Variants in DNAH9 observed in about 807,000 individuals in gnomAD.
DNAH9 encodes dynein axonemal heavy chain 9.
A neutral mutation model predicts 471.6 loss-of-function variants in DNAH9; 345 were observed. The ratio of observed to expected loss-of-function variants is 0.73; its 90% CI spans 0.67 to 0.80. The LOEUF (loss-of-function observed/expected upper bound fraction) is 0.80, where lower values mean the gene tolerates loss of function less well. Ranked by LOEUF, DNAH9 falls within the 30% of genes least tolerant of loss-of-function variation. The probability of loss-of-function intolerance (pLI) is 0.00; values close to 1 mark genes in which losing one functional copy is unlikely to be tolerated. For missense variants in DNAH9, 5,407 were observed against 5,609.2 expected, an observed-to-expected ratio of 0.96 and a Z score of 1.15; for synonymous variants, 2,093 against 2,123.6, an observed-to-expected ratio of 0.99 and a Z score of 0.40.
At chr17:11,661,488 G>C (rs563182092) in intron 14 of DNAH9, among the ~76,000 whole-genome samples, 27 of 152,042 alleles carry the variant, frequency 1.8e-4, no homozygotes, top group Non-Finnish European at 3.2e-4. Flanking sequence ...TTGCTTCATT[G>C]CTTTCTTGTT....
intron 35 of DNAH9, among the ~76,000 whole-genome samples, chr17:11,760,816 C>T (rs1011049917): frequency 2.6e-5 from 4 of 152,196 alleles, no homozygotes; most frequent in African/African-American, 4.8e-5. Context: ...CCGCGCCCGG[C>T]GGATGTCTTT....
chr17:11,884,525 T>G (rs773055358), intron 56 of DNAH9: 24 of 455,868 alleles, frequency 5.3e-5, no homozygotes, highest in South Asian at 3.7e-4. Context: ...CGGAAGATGC[T>G]TATTGCCAGA....
rs954680928 is a variant in DNAH9 at position 11,932,904 on chromosome 17, G to C, written c.12297+699G>C. 1.3e-5 allele frequency among the ~76,000 whole-genome samples: 2 copies of C among 152,190 alleles called. No individual in the cohort carries two copies. The highest frequency in any genetic ancestry group is 4.8e-5 in the African/African-American group (2 of 41,438). On this transcript the variant is annotated intron_variant, in intron 64 of 68. Transcript: ENST00000262442. The surrounding 1 kb of genome is among the most constrained non-coding windows in gnomAD (Gnocchi z 4.3). The stretch of plus-strand genomic sequence containing the variant: ...TTCGCTAACAATCAGTGCTCTTCCA[G>C]TTAAGGGAATATTCACCTCGTCAAG...
chr17:11,763,024 CCTCCTCAGCCTCCCAAAGTGCTGG>C (rs1239839967), intron 35 of DNAH9, among the ~76,000 whole-genome samples: 1 of 151,902 alleles, frequency 6.6e-6, no homozygotes, highest in Non-Finnish European at 1.5e-5. Context: ...CGTGATCCTC[CCTCCTCAGCCTCCCAAAGTGCTGG>C]GATTACCGTT....
intron 14 of DNAH9, among the ~76,000 whole-genome samples, chr17:11,659,142 ATAAT>A (rs1449047317): frequency 6.6e-6 from 1 of 151,542 alleles, no homozygotes; most frequent in Non-Finnish European, 1.5e-5. Flanking sequence ...AAAGTGTTTG[ATAAT>A]TATTTCTTAG....
chr17:11,823,374 C>T (rs1970382170), intron 48 of DNAH9, among the ~76,000 whole-genome samples: 1 of 152,098 alleles, frequency 6.6e-6, no homozygotes, highest in African/African-American at 2.4e-5. Context: ...GCTGGAATCC[C>T]CTGAAGCACC....
At chr17:11,633,248 A>G (rs1188471741) in intron 8 of DNAH9, among the ~76,000 whole-genome samples, 3 of 152,236 alleles carry the variant, frequency 2.0e-5, no homozygotes, top group African/African-American at 7.2e-5. Context: ...ATGAAGACTC[A>G]GTGGAGCATG....
intron 61 of DNAH9, among the ~76,000 whole-genome samples, chr17:11,922,670 T>C (rs1340643120): frequency 1.3e-5 from 2 of 148,482 alleles, no homozygotes; most frequent in Admixed American, 1.3e-4. Flanking sequence ...AACAGCTTCA[T>C]GTCTTGCCCC....
At chr17:11,789,643 C>T (rs918628027) in intron 41 of DNAH9, among the ~76,000 whole-genome samples, 1 of 151,904 alleles carries the variant, frequency 6.6e-6, no homozygotes, top group Non-Finnish European at 1.5e-5. Flanking sequence ...ATGCATTTGA[C>T]TTTCTTACTG....
At chr17:11,750,000 C>T (rs544128538) in intron 32 of DNAH9, among the ~76,000 whole-genome samples, 18 of 152,074 alleles carry the variant, frequency 1.2e-4, no homozygotes, top group African/African-American at 4.3e-4. Flanking sequence ...TAATATAATT[C>T]AAACTTTTAA....
chr17:11,729,418 G>A (rs1292828286), intron 28 of DNAH9, among the ~76,000 whole-genome samples: 1 of 152,122 alleles, frequency 6.6e-6, no homozygotes, highest in Admixed American at 6.5e-5. Flanking sequence ...GGACAATTAT[G>A]TGCCTGGTAC....
intron 61 of DNAH9, among the ~76,000 whole-genome samples, chr17:11,918,204 TTTTTTG>T (rs1267131587): frequency 1.4e-5 from 2 of 145,472 alleles, no homozygotes; most frequent in Non-Finnish European, 3.0e-5. Flanking sequence ...GGTTGGGTGT[TTTTTTG>T]TTTTGTTTTG....
chr17:11,661,524 T>G (rs1328223247), intron 14 of DNAH9, among the ~76,000 whole-genome samples: 2 of 152,172 alleles, frequency 1.3e-5, no homozygotes, highest in East Asian at 3.8e-4. Flanking sequence ...TGTCACCTGC[T>G]TTTTGGGTAA....
chr17:11,855,066 A>T (rs1369210861), intron 50 of DNAH9, among the ~76,000 whole-genome samples: 5 of 147,038 alleles, frequency 3.4e-5, no homozygotes, highest in African/African-American at 1.2e-4. Flanking sequence ...ATCAGAATTC[A>T]TTTTTTTTTT....
Position 11,810,391 on chromosome 17 carries a change from G to A in DNAH9, c.8707+22G>A, listed in dbSNP as rs374262909. Reference sequence around the variant, plus strand: ...TCTGGTAAGAGATTCCTTGCACTTGGTGTCACTGATAAATTCCCCCTGGAA... The same window carrying A: ...TCTGGTAAGAGATTCCTTGCACTTGATGTCACTGATAAATTCCCCCTGGAA... On this transcript the variant is annotated intron_variant, in intron 45 of 68. Transcript: ENST00000262442. 4 of 1,604,326 alleles carry A rather than the reference G, an allele frequency of 2.5e-6. No individual in the cohort carries two copies. In the East Asian group the frequency reaches 9.0e-5, roughly 36 times the overall value.
chr17:11,887,680 A>G (rs1972918952), intron 57 of DNAH9, among the ~76,000 whole-genome samples: 1 of 152,060 alleles, frequency 6.6e-6, no homozygotes, highest in South Asian at 2.1e-4. Flanking sequence ...CACACAGAGA[A>G]ACAGGAGAGA....
chr17:11,732,595 G>C (rs933568156), intron 28 of DNAH9, among the ~76,000 whole-genome samples: 2 of 151,916 alleles, frequency 1.3e-5, no homozygotes, highest in African/African-American at 4.8e-5. Flanking sequence ...CCATGAGACT[G>C]GTCAAGCAAA....
chr17:11,803,335 G>A (rs1400694397), intron 43 of DNAH9, among the ~76,000 whole-genome samples: 1 of 152,090 alleles, frequency 6.6e-6, no homozygotes, highest in Admixed American at 6.6e-5. Context: ...CAAACCCTCA[G>A]ATGTACTTCT....
In DNAH9 at chr17:11,652,740, T is replaced by C. The variant is rs751937807; in HGVS notation, c.2354-21T>C. 2 of 1,609,262 alleles carry C rather than the reference T, an allele frequency of 1.2e-6. 1 individual carries two copies. The highest frequency in any genetic ancestry group is 4.5e-5 in the East Asian group (2 of 44,852). On this transcript the variant is annotated intron_variant, in intron 13 of 68. Coordinates refer to ENST00000262442, the MANE Select transcript of DNAH9 (RefSeq NM_001372.4). ...GCCACTGCAGGCTATTTCAATTAAT[T>C]ATGTTTCTTTTGGGGAACAGGCATT...
Sources: gnomAD v4.1 joint callset for allele counts (sites outside exome capture counted in the v4.1 genomes callset) on GRCh38, gnomAD v4.1.1 for gene constraint, Gnocchi (gnomAD v3.1) non-coding constraint, MANE v1.5 for transcripts, NCBI Gene and HGNC (gene_info 2026-07-23, HGNC 2026-07-21) for gene names.